The following ARHGAP29 variants were observed in gnomAD, a reference collection of about 807,000 sequenced individuals.
ARHGAP29 encodes the protein Rho GTPase activating protein 29.
ARHGAP29 carries 43 observed loss-of-function variants against 122.6 expected under a neutral mutation model. That is an observed-to-expected ratio of 0.35 (90% confidence interval 0.27 to 0.45). ARHGAP29 has a LOEUF of 0.45. Among genes scored for constraint, ARHGAP29 ranks in the 20% least tolerant of loss-of-function variants. ARHGAP29 has a pLI of 1.00. For synonymous variants in ARHGAP29, 506 were observed against 497.1 expected, an observed-to-expected ratio of 1.02 and a Z score of -0.24; for missense variants, 1,303 against 1,477.2, an observed-to-expected ratio of 0.88 and a Z score of 1.93.
At chr1:94,177,553 G>A (rs1470713945) in intron 22 of ARHGAP29, 59 bp downstream of exon 22, 56 of 1,348,910 alleles carry the variant, frequency 4.2e-5, no homozygotes, top group East Asian at 4.7e-5. Flanking sequence ...TTTTAATCAC[G>A]GTTCTACTGG....
At position 94,171,236 on chromosome 1, in the gene ARHGAP29, A is replaced by G. The variant is rs1024068609; in HGVS notation, c.*2633T>C. ...AATTCTATCTGCTTGTGAGTTCACTAGGCAACAAGTCTCAGGGATCATATA... is the reference window on the plus strand; with the variant it reads ...AATTCTATCTGCTTGTGAGTTCACTGGGCAACAAGTCTCAGGGATCATATA... On this transcript the variant is annotated 3_prime_UTR_variant, in exon 23 of 23. Coordinates refer to ENST00000260526, the MANE Select transcript of ARHGAP29 (RefSeq NM_004815.4). 3.3e-5 allele frequency among the ~76,000 whole-genome samples: 5 copies of G among 152,182 alleles called. No individual in the cohort carries two copies. The highest frequency in any genetic ancestry group is 7.3e-5 in the Non-Finnish European group (5 of 68,036).
At chr1:94,276,769 A>T (rs1436749134), upstream of ARHGAP29, among the ~76,000 whole-genome samples, 2 of 112,400 alleles carry the variant, frequency 1.8e-5, no homozygotes, top group Non-Finnish European at 3.3e-5. Context: ...TGACAGAGTG[A>T]GACCCTGTCT....
chr1:94,254,797 A>G (rs1490074411), intron 1 of ARHGAP29, among the ~76,000 whole-genome samples: 1 of 152,248 alleles, frequency 6.6e-6, no homozygotes, highest in African/African-American at 2.4e-5. Context: ...GATGTTTCAC[A>G]GAGAGCTGGC....
intron 12 of ARHGAP29, chr1:94,191,698 G>A (rs889101533): frequency 9.2e-5 from 14 of 152,142 alleles, no homozygotes; most frequent in African/African-American, 3.4e-4. Context: ...AAAAGTTAAT[G>A]TGCAAATGAA....
upstream of ARHGAP29, among the ~76,000 whole-genome samples, chr1:94,275,980 G>A (rs1053404704): frequency 2.0e-5 from 3 of 151,952 alleles, no homozygotes; most frequent in Non-Finnish European, 4.4e-5. Flanking sequence ...TTTTGGGGCC[G>A]GGATTGGTGG....
At chr1:94,209,464 G>A in intron 3 of ARHGAP29, 114 bp from the exon 4 acceptor site, 1 of 580,990 alleles carries the variant, frequency 1.7e-6, no homozygotes, top group Non-Finnish European at 2.8e-6. Context: ...AGAAGATTCA[G>A]AAATTGAAAA....
At chr1:94,179,587 T>A (rs1486298858) in intron 20 of ARHGAP29, 138 bp downstream of exon 20, 125 of 534,058 alleles carry the variant, frequency 2.3e-4, no homozygotes, top group Non-Finnish European at 3.1e-4. Context: ...AGCGAGACTC[T>A]GTCTCAAAAA....
intron 1 of ARHGAP29, among the ~76,000 whole-genome samples, chr1:94,234,769 C>T (rs987921194): frequency 1.3e-5 from 2 of 152,130 alleles, no homozygotes; most frequent in Non-Finnish European, 2.9e-5. Flanking sequence ...ACCAAAATGC[C>T]TATTAGCCTA....
chr1:94,304,861 T>C, the ARHGAP29 span, among the ~76,000 whole-genome samples: 3 of 152,212 alleles, frequency 2.0e-5, no homozygotes, highest in Non-Finnish European at 4.4e-5. Flanking sequence ...CAGGACATAA[T>C]GATTCCTAGT....
chr1:94,210,059 T>C (rs1651487220), intron 3 of ARHGAP29, among the ~76,000 whole-genome samples: 2 of 152,204 alleles, frequency 1.3e-5, no homozygotes, highest in Non-Finnish European at 2.9e-5. Flanking sequence ...CTGAAAAAGA[T>C]TTCTTATTTT....
intron 19 of ARHGAP29, among the ~76,000 whole-genome samples, chr1:94,183,000 G>GT (rs921960030): frequency 6.6e-6 from 1 of 152,090 alleles, no homozygotes; most frequent in Non-Finnish European, 1.5e-5. Flanking sequence ...TTATACCACT[G>GT]TAAGATGACT....
chr1:94,297,246 G>A, the ARHGAP29 span, among the ~76,000 whole-genome samples: 1 of 152,174 alleles, frequency 6.6e-6, no homozygotes, highest in Non-Finnish European at 1.5e-5. Context: ...TTCTCAGAAA[G>A]ACTGCTTTAT....
chr1:94,213,714 C>T (rs1375050574), intron 3 of ARHGAP29, among the ~76,000 whole-genome samples: 1 of 152,196 alleles, frequency 6.6e-6, no homozygotes, highest in Non-Finnish European at 1.5e-5. Context: ...TCCTAACTCT[C>T]TCTCTTACAA....
intron 8 of ARHGAP29, 39 bp from the exon 9 acceptor site, chr1:94,203,249 A>G: frequency 6.9e-7 from 1 of 1,447,264 alleles, no homozygotes; most frequent in Non-Finnish European, 9.5e-7. Flanking sequence ...TACAATAGAA[A>G]TGGCACTAGA....
the ARHGAP29 span, among the ~76,000 whole-genome samples, chr1:94,296,065 C>G: frequency 1.3e-5 from 2 of 152,252 alleles, no homozygotes; most frequent in African/African-American, 4.8e-5. Context: ...CATGGTTTCT[C>G]TTTCCAAGGT....
chr1:94,255,033 A>T (rs1232082853), intron 1 of ARHGAP29, among the ~76,000 whole-genome samples: 1 of 152,188 alleles, frequency 6.6e-6, no homozygotes, highest in Non-Finnish European at 1.5e-5. Flanking sequence ...GATTTATCTA[A>T]CAATGTGTTA....
chr1:94,185,899 T>A (rs964386273), intron 16 of ARHGAP29, among the ~76,000 whole-genome samples: 3 of 152,162 alleles, frequency 2.0e-5, no homozygotes, highest in Non-Finnish European at 4.4e-5. Flanking sequence ...GATAAAGCTA[T>A]CCTTAATTCA....
At chr1:94,277,293 C>T (rs1226479044), upstream of ARHGAP29, among the ~76,000 whole-genome samples, 2 of 152,112 alleles carry the variant, frequency 1.3e-5, no homozygotes, top group African/African-American at 4.8e-5. Flanking sequence ...ACTTCTCATT[C>T]TTAAAGATGA....
the ARHGAP29 span, among the ~76,000 whole-genome samples, chr1:94,280,571 G>A: frequency 6.6e-6 from 1 of 152,178 alleles, no homozygotes; most frequent in Non-Finnish European, 1.5e-5. Context: ...TCTAAAGGAG[G>A]AGAAGAGTGA....
Sources: gnomAD v4.1 joint callset for allele counts (sites outside exome capture counted in the v4.1 genomes callset) on GRCh38, gnomAD v4.1.1 for gene constraint, MANE v1.5 for transcripts, NCBI Gene and HGNC (gene_info 2026-07-23, HGNC 2026-07-21) for gene names.